Variants in UNC5C observed in about 807,000 individuals in gnomAD.
The protein encoded by UNC5C is netrin receptor UNC5C.
Under a neutral mutation model 99.8 loss-of-function variants are expected in UNC5C, and 47 were observed. The ratio of observed to expected loss-of-function variants is 0.47; its 90% CI spans 0.37 to 0.60. The LOEUF (loss-of-function observed/expected upper bound fraction) is 0.60. UNC5C is among the 20% of genes least tolerant of loss of function. UNC5C has a pLI of 0.00. For missense variants in UNC5C, 1,062 were observed against 1,165.9 expected, an observed-to-expected ratio of 0.91 and a Z score of 1.30; for synonymous variants, 487 against 452.2, an observed-to-expected ratio of 1.08 and a Z score of -0.98.
At chr4:95,498,824 C>T (rs1450672397) in intron 1 of UNC5C, among the ~76,000 whole-genome samples, 1 of 151,616 alleles carries the variant, frequency 6.6e-6, no homozygotes, top group Non-Finnish European at 1.5e-5. Context: ...CATAAGGATT[C>T]TAAGTTTGGT....
chr4:95,323,787 C>T lies in UNC5C; in HGVS notation c.346+11623G>A, dbSNP rs185733874. Among the ~76,000 whole-genome samples the T allele has an allele frequency of 2.0e-5, 3 of 152,216 alleles. No individual in the cohort carries two copies. In the East Asian group the frequency reaches 5.8e-4, roughly 29 times the overall value. Reference sequence around the variant, plus strand: ...GTGCGGTGGCTCATGCCTGTAATCCCAGCACTTTGGGAGGCCAAGGCAGGT... The same window carrying T: ...GTGCGGTGGCTCATGCCTGTAATCCTAGCACTTTGGGAGGCCAAGGCAGGT... On this transcript the variant is annotated intron_variant, in intron 2 of 15. Transcript: ENST00000453304.
At chr4:95,346,522 A>G (rs1015186877) in intron 1 of UNC5C, among the ~76,000 whole-genome samples, 24 of 152,056 alleles carry the variant, frequency 1.6e-4, no homozygotes, top group Non-Finnish European at 2.5e-4. Flanking sequence ...ACATTGGCAC[A>G]AAAATCATCA....
At chr4:95,349,668 A>G (rs1743913430) in intron 1 of UNC5C, among the ~76,000 whole-genome samples, 1 of 151,734 alleles carries the variant, frequency 6.6e-6, no homozygotes, top group South Asian at 2.1e-4. Context: ...ATTAAATTCA[A>G]CCCTCCCAAA....
At position 95,496,669 on chromosome 4, in the gene UNC5C, A is replaced by G. The variant is rs899761283; in HGVS notation, c.124+52065T>C. On this transcript the variant is annotated intron_variant, in intron 1 of 15. Coordinates refer to ENST00000453304, the MANE Select transcript of UNC5C (RefSeq NM_003728.4). ...TGAGGACAAATATAACAAGAAATAG[A>G]TATTTGTACTTTTTTAATTTTTATT... Among the ~76,000 whole-genome samples, 8 of 151,436 alleles carry G rather than the reference A, an allele frequency of 5.3e-5. No individual in the cohort carries two copies. In the Admixed American group the frequency reaches 5.3e-4, roughly 10 times the overall value.
At chr4:95,285,244 G>A (rs898426785) in intron 3 of UNC5C, among the ~76,000 whole-genome samples, 1 of 151,974 alleles carries the variant, frequency 6.6e-6, no homozygotes, top group African/African-American at 2.4e-5. Context: ...ACAAAATATT[G>A]GTGATGTGAT....
At chr4:95,331,353 TTAAATG>T (rs1743104605) in intron 2 of UNC5C, among the ~76,000 whole-genome samples, 1 of 152,122 alleles carries the variant, frequency 6.6e-6, no homozygotes, top group African/African-American at 2.4e-5. Context: ...TATTGCTGGA[TTAAATG>T]GTGTTCTATT....
chr4:95,253,617 A>G (rs970263151), intron 4 of UNC5C, among the ~76,000 whole-genome samples: 5 of 151,986 alleles, frequency 3.3e-5, no homozygotes, highest in Non-Finnish European at 7.4e-5. Flanking sequence ...TCCATACTGG[A>G]TTTGCTTTCA....
chr4:95,351,522 T>G (rs1743990389), intron 1 of UNC5C, among the ~76,000 whole-genome samples: 1 of 151,922 alleles, frequency 6.6e-6, no homozygotes, highest in Non-Finnish European at 1.5e-5. Context: ...GTTCCCACAT[T>G]TAAAAAATTC....
At chr4:95,545,199 C>T (rs958356921) in intron 1 of UNC5C, among the ~76,000 whole-genome samples, 1 of 152,082 alleles carries the variant, frequency 6.6e-6, no homozygotes. Context: ...AACTCTTTAC[C>T]CTCAGTATCC....
intron 1 of UNC5C, among the ~76,000 whole-genome samples, chr4:95,502,866 C>G (rs1195272737): frequency 6.6e-6 from 1 of 152,048 alleles, no homozygotes; most frequent in Non-Finnish European, 1.5e-5. Context: ...ATTTCTCTCC[C>G]GCAAAGAATC....
intron 1 of UNC5C, among the ~76,000 whole-genome samples, chr4:95,355,765 T>A (rs780658887): frequency 1.3e-5 from 2 of 152,146 alleles, no homozygotes; most frequent in Non-Finnish European, 2.9e-5. Context: ...AGACGAGGTT[T>A]GCTGAATAAA....
chr4:95,257,955 T>G (rs1378064452), intron 4 of UNC5C, among the ~76,000 whole-genome samples: 4 of 152,174 alleles, frequency 2.6e-5, no homozygotes, highest in Non-Finnish European at 4.4e-5. Context: ...GAAAACAGTG[T>G]GTGAGAATAA....
chr4:95,497,201 T>G (rs1721653758), intron 1 of UNC5C, among the ~76,000 whole-genome samples: 1 of 151,996 alleles, frequency 6.6e-6, no homozygotes, highest in Non-Finnish European at 1.5e-5. Context: ...ATAGTGGGAT[T>G]GCTGGATTGA....
At chr4:95,270,277 AAAAC>A (rs1168389961) in intron 4 of UNC5C, among the ~76,000 whole-genome samples, 5 of 152,340 alleles carry the variant, frequency 3.3e-5, no homozygotes, top group African/African-American at 1.2e-4. Flanking sequence ...GTTTTGGAAA[AAAAC>A]AAGTATCCAT....
chr4:95,194,999 G>A (rs1457810663), intron 12 of UNC5C, among the ~76,000 whole-genome samples: 1 of 152,100 alleles, frequency 6.6e-6, no homozygotes, highest in Non-Finnish European at 1.5e-5. Flanking sequence ...GTGACTAAAT[G>A]TCTAATCAAC....
chr4:95,287,842 T>G (rs1003628481), intron 3 of UNC5C, among the ~76,000 whole-genome samples: 4 of 152,210 alleles, frequency 2.6e-5, no homozygotes, highest in Non-Finnish European at 5.9e-5. Context: ...AATCCCAGCC[T>G]TGAATGCTAC....
At chr4:95,441,272 A>T (rs1443463712) in intron 1 of UNC5C, among the ~76,000 whole-genome samples, 1 of 152,186 alleles carries the variant, frequency 6.6e-6, no homozygotes, top group Non-Finnish European at 1.5e-5. Context: ...CTATGTCCTC[A>T]TTTCCTAGCT....
chr4:95,486,177 T>C (rs3846451), intron 1 of UNC5C, among the ~76,000 whole-genome samples: 2 of 151,778 alleles, frequency 1.3e-5, no homozygotes, highest in Non-Finnish European at 2.9e-5. Context: ...ATTTTTAGAA[T>C]TTATGACCAT....
intron 1 of UNC5C, among the ~76,000 whole-genome samples, chr4:95,412,526 A>AC (rs1746027029): frequency 6.6e-6 from 1 of 152,152 alleles, no homozygotes; most frequent in African/African-American, 2.4e-5. Flanking sequence ...AGAATCATGG[A>AC]CACTCGATAG....
Sources: gnomAD v4.1 joint callset for allele counts (sites outside exome capture counted in the v4.1 genomes callset) on GRCh38, gnomAD v4.1.1 for gene constraint, MANE v1.5 for transcripts, NCBI Gene and HGNC (gene_info 2026-07-23, HGNC 2026-07-21) for gene names.